SUGCT: variants seen among roughly 807,000 people sequenced by gnomAD.
The protein encoded by SUGCT is succinyl-CoA:glutarate CoA-transferase.
In SUGCT, 41 loss-of-function variants were observed where a neutral mutation model predicts 55.0. The ratio of observed to expected loss-of-function variants is 0.74; its 90% CI spans 0.58 to 0.97. The LOEUF (loss-of-function observed/expected upper bound fraction) is 0.97, where lower values mean the gene tolerates loss of function less well. Ranked by LOEUF, SUGCT falls within the 50% of genes least tolerant of loss-of-function variation. The pLI is 0.00. For missense variants in SUGCT, 568 were observed against 547.8 expected (o/e 1.04, Z -0.37); for synonymous variants, 187 against 200.4 (o/e 0.93, Z 0.56).
chr7:40,503,891 T>A (rs1792439910), intron 12 of SUGCT, among the ~76,000 whole-genome samples: 1 of 152,160 alleles, frequency 6.6e-6, no homozygotes, highest in Non-Finnish European at 1.5e-5. Flanking sequence ...GTTATTGCAA[T>A]GAATATGACC....
chr7:40,806,810 A>AAC (rs1791119587), intron 13 of SUGCT, among the ~76,000 whole-genome samples: 1 of 152,148 alleles, frequency 6.6e-6, no homozygotes, highest in African/African-American at 2.4e-5. Flanking sequence ...GCTGAGGTAG[A>AAC]GGCTGGGGGT....
At chr7:40,929,421 C>A in the SUGCT span, among the ~76,000 whole-genome samples, 2 of 152,040 alleles carry the variant, frequency 1.3e-5, no homozygotes, top group Admixed American at 6.6e-5. Context: ...TGATTTATAA[C>A]CCTTTGGGTA....
chr7:40,934,163 G>A, the SUGCT span, among the ~76,000 whole-genome samples: 2 of 152,116 alleles, frequency 1.3e-5, no homozygotes, highest in Non-Finnish European at 2.9e-5. Flanking sequence ...ATTCCTTTCC[G>A]TTTGTTAGTT....
chr7:40,839,116 C>T (rs76844348), intron 13 of SUGCT, among the ~76,000 whole-genome samples: 15,297 of 152,134 alleles, frequency 0.1, 857 homozygotes, highest in Middle Eastern at 0.18. Flanking sequence ...TCTACTTGTT[C>T]ATGGTGAATA....
chr7:40,493,955 C>T (rs1022454441), intron 11 of SUGCT, among the ~76,000 whole-genome samples: 10 of 152,172 alleles, frequency 6.6e-5, no homozygotes, highest in African/African-American at 2.4e-4. Context: ...CAGAACCCTT[C>T]CACACCCACA....
At chr7:40,624,696 A>C (rs1799433714) in intron 12 of SUGCT, among the ~76,000 whole-genome samples, 1 of 151,938 alleles carries the variant, frequency 6.6e-6, no homozygotes, top group Admixed American at 6.6e-5. Flanking sequence ...GGATAAAAGG[A>C]AAGTCGGGAG....
intron 9 of SUGCT, among the ~76,000 whole-genome samples, chr7:40,420,393 C>T (rs1787242284): frequency 6.6e-6 from 1 of 152,120 alleles, no homozygotes; most frequent in Non-Finnish European, 1.5e-5. Flanking sequence ...GGCTAGAGCA[C>T]ATTGGTGTGA....
Position 40,410,612 on chromosome 7 carries a change from A to G in SUGCT, c.817-38675A>G, listed in dbSNP as rs138627741. Among the ~76,000 whole-genome samples, 651 of 152,270 alleles carry G rather than the reference A, an allele frequency of 4.3e-3. 4 individuals carry two copies. The highest frequency in any genetic ancestry group is 0.015 in the African/African-American group (611 of 41,542). ...TTTCTTTCATAGCACTTGCATATTCATGAGTTTTTTTGTCTTACCTAACTT... is the reference window on the plus strand; with the variant it reads ...TTTCTTTCATAGCACTTGCATATTCGTGAGTTTTTTTGTCTTACCTAACTT... On this transcript the variant is annotated intron_variant, in intron 9 of 13. Coordinates refer to ENST00000335693, the MANE Select transcript of SUGCT (RefSeq NM_001193313.2).
At chr7:40,644,170 G>A (rs1800391366) in intron 12 of SUGCT, among the ~76,000 whole-genome samples, 1 of 152,194 alleles carries the variant, frequency 6.6e-6, no homozygotes, top group Non-Finnish European at 1.5e-5. Flanking sequence ...GAAAGATGGC[G>A]GAGGTTTCCT....
Position 40,180,878 on chromosome 7 carries a change from A to G in SUGCT, c.101-69A>G, listed in dbSNP as rs1235982370. On this transcript the variant is annotated intron_variant, in intron 1 of 13. Coordinates refer to ENST00000335693, the MANE Select transcript of SUGCT (RefSeq NM_001193313.2). ...TCCTTGTGATCTGTCTCAAGCTTATAATGGTGTATGTGAAAATGTAAGAAA... is the reference window on the plus strand; with the variant it reads ...TCCTTGTGATCTGTCTCAAGCTTATGATGGTGTATGTGAAAATGTAAGAAA... 4 of 1,147,838 alleles carry G rather than the reference A, an allele frequency of 3.5e-6. No individual in the cohort carries two copies. The African/African-American group carries it at 6.1e-5, about 17-fold the overall frequency. 71.1% of individuals were successfully genotyped at this position (1,147,838 alleles called of 1,614,324 possible).
chr7:40,196,784 A>G (rs567164840), intron 6 of SUGCT, among the ~76,000 whole-genome samples: 1 of 152,172 alleles, frequency 6.6e-6, no homozygotes, highest in Admixed American at 6.5e-5. Context: ...GTGTTATTCT[A>G]TTCCCAGTTC....
intron 11 of SUGCT, among the ~76,000 whole-genome samples, chr7:40,461,915 A>G (rs933610087): frequency 6.6e-6 from 1 of 152,194 alleles, no homozygotes; most frequent in Non-Finnish European, 1.5e-5. Flanking sequence ...GAATAGTTAG[A>G]AATGGGATTC....
chr7:40,316,072 C>T (rs2151108729), intron 8 of SUGCT, among the ~76,000 whole-genome samples: 1 of 152,238 alleles, frequency 6.6e-6, no homozygotes, highest in South Asian at 2.1e-4. Context: ...AATAGATCGG[C>T]AGTTCTCAAA....
intron 7 of SUGCT, among the ~76,000 whole-genome samples, chr7:40,264,557 A>T (rs1327933489): frequency 6.6e-6 from 1 of 152,176 alleles, no homozygotes; most frequent in Non-Finnish European, 1.5e-5. Flanking sequence ...GGAAACCCTC[A>T]TTTGATCTGA....
intron 7 of SUGCT, among the ~76,000 whole-genome samples, chr7:40,241,782 TG>T (rs1789409871): frequency 6.6e-6 from 1 of 151,696 alleles, no homozygotes; most frequent in African/African-American, 2.4e-5. Context: ...TAGCTGGGCG[TG>T]GTGGTGTGCA....
intron 12 of SUGCT, among the ~76,000 whole-genome samples, chr7:40,548,347 C>A (rs980571090): frequency 1.3e-5 from 2 of 151,898 alleles, no homozygotes; most frequent in African/African-American, 2.4e-5. Flanking sequence ...CCCCATGGCA[C>A]ACTGCTAATT....
At chr7:40,937,182 A>G in the SUGCT span, among the ~76,000 whole-genome samples, 1 of 152,046 alleles carries the variant, frequency 6.6e-6, no homozygotes, top group South Asian at 2.1e-4. Flanking sequence ...CCCCCTCACC[A>G]CCAAGAGATG....
the SUGCT span, among the ~76,000 whole-genome samples, chr7:40,882,813 G>A: frequency 6.6e-6 from 1 of 152,144 alleles, no homozygotes; most frequent in Non-Finnish European, 1.5e-5. Context: ...GTTTTATCAG[G>A]TAAAACTGGA....
chr7:40,309,904 A>G (rs1488155231), intron 8 of SUGCT, among the ~76,000 whole-genome samples: 1 of 152,002 alleles, frequency 6.6e-6, no homozygotes, highest in South Asian at 2.1e-4. Flanking sequence ...AAAAAAAAAA[A>G]AAACACATGA....
Sources: gnomAD v4.1 joint callset for allele counts (sites outside exome capture counted in the v4.1 genomes callset) on GRCh38, gnomAD v4.1.1 for gene constraint, MANE v1.5 for transcripts, NCBI Gene and HGNC (gene_info 2026-07-23, HGNC 2026-07-21) for gene names.